PHF24: variants seen among roughly 807,000 people sequenced by gnomAD.
PHF24 encodes Galpha inhibitory interacting protein.
In PHF24, 25 loss-of-function variants were observed where a neutral mutation model predicts 42.6. That is an observed-to-expected ratio of 0.59 (90% CI 0.43 to 0.82). The LOEUF is 0.82. PHF24 is among the 40% of genes least tolerant of loss of function. The pLI is 0.00. For synonymous variants in PHF24, 185 were observed against 204.8 expected (o/e 0.90, Z 0.83); for missense variants, 470 against 538.1 (o/e 0.87, Z 1.25).
At chr9:34,848,547 A>C in the PHF24 span, among the ~76,000 whole-genome samples, 1 of 152,038 alleles carries the variant, frequency 6.6e-6, no homozygotes, top group Non-Finnish European at 1.5e-5. Context: ...CGTTCAAAAA[A>C]CCACCTCCTG....
chr9:34,681,814 AAAG>A, the PHF24 span, among the ~76,000 whole-genome samples: 59 of 152,264 alleles, frequency 3.9e-4, no homozygotes, highest in Non-Finnish European at 6.6e-4. Flanking sequence ...CCATCTCAAA[AAAG>A]AAGAAGAAGA....
At chr9:34,832,544 G>A in the PHF24 span, 2 of 1,532,180 alleles carry the variant, frequency 1.3e-6, no homozygotes, top group East Asian at 2.5e-5. Flanking sequence ...CTGGAGCCAG[G>A]CTCTTTGCAA....
intron 1 of PHF24, among the ~76,000 whole-genome samples, chr9:34,960,332 A>G (rs577631525): frequency 1.3e-5 from 2 of 152,328 alleles, no homozygotes; most frequent in South Asian, 4.1e-4. Context: ...GTGAGGAGAG[A>G]GACCAAGCTA....
At chr9:34,778,351 G>A in the PHF24 span, among the ~76,000 whole-genome samples, 61 of 152,292 alleles carry the variant, frequency 4.0e-4, no homozygotes, top group Middle Eastern at 3.4e-3. Flanking sequence ...TTACAAAAAT[G>A]AGATCCTGCC....
chr9:34,677,824 T>C, the PHF24 span, among the ~76,000 whole-genome samples: 1 of 152,212 alleles, frequency 6.6e-6, no homozygotes, highest in Non-Finnish European at 1.5e-5. Context: ...CTCTGTGTCC[T>C]ACCTCTTCTT....
chr9:34,751,956 G>C, the PHF24 span, among the ~76,000 whole-genome samples: 1 of 151,582 alleles, frequency 6.6e-6, no homozygotes, highest in Non-Finnish European at 1.5e-5. Context: ...ATGACCAGTG[G>C]GTCAATGAAA....
At chr9:34,942,108 G>C in the PHF24 span, among the ~76,000 whole-genome samples, 15 of 152,232 alleles carry the variant, frequency 9.9e-5, no homozygotes, top group Non-Finnish European at 1.9e-4. Flanking sequence ...CCTTCATACT[G>C]CATCTTTTCC....
the PHF24 span, chr9:34,835,538 T>G: frequency 6.4e-7 from 1 of 1,551,794 alleles, no homozygotes. Context: ...GACCTGGAAA[T>G]TCAAGTGATG....
the PHF24 span, among the ~76,000 whole-genome samples, chr9:34,914,411 C>T: frequency 6.6e-6 from 1 of 152,228 alleles, no homozygotes; most frequent in South Asian, 2.1e-4. Flanking sequence ...TGCATTATTA[C>T]TTCTTTTTTT....
the PHF24 span, among the ~76,000 whole-genome samples, chr9:34,898,664 T>C: frequency 6.6e-6 from 1 of 152,224 alleles, no homozygotes; most frequent in African/African-American, 2.4e-5. Flanking sequence ...GTCATCAACA[T>C]ACCTGCAAAG....
At chr9:34,843,173 T>C in the PHF24 span, among the ~76,000 whole-genome samples, 1 of 152,230 alleles carries the variant, frequency 6.6e-6, no homozygotes. Context: ...TCCAAAAGAA[T>C]GAGACTAATT....
At chr9:34,934,166 G>A in the PHF24 span, among the ~76,000 whole-genome samples, 1 of 152,148 alleles carries the variant, frequency 6.6e-6, no homozygotes, top group South Asian at 2.1e-4. Flanking sequence ...TAAGAGAGTT[G>A]CAGTGAGGAT....
At chr9:34,922,057 T>C in the PHF24 span, 384 of 851,298 alleles carry the variant, frequency 4.5e-4, 1 homozygote, top group Admixed American at 8.8e-4. Context: ...GTGGGAAATA[T>C]AGAAATTCAA....
the PHF24 span, chr9:34,726,892 T>C: frequency 3.9e-6 from 6 of 1,551,750 alleles, no homozygotes; most frequent in South Asian, 1.2e-5. Context: ...CCACCAGCAA[T>C]TGCTGAATCT....
chr9:34,838,008 A>C, the PHF24 span, among the ~76,000 whole-genome samples: 53 of 152,178 alleles, frequency 3.5e-4, no homozygotes, highest in Admixed American at 3.5e-3. Context: ...CTAATACCTA[A>C]AGACTTCAGT....
chr9:34,875,942 ACACACACACTCT>A, the PHF24 span, among the ~76,000 whole-genome samples: 2 of 86,778 alleles, frequency 2.3e-5, no homozygotes, highest in African/African-American at 1.0e-4. Context: ...ACACACACAC[ACACACACACTCT>A]CTCTCTCTCT....
At chr9:34,909,218 C>T in the PHF24 span, among the ~76,000 whole-genome samples, 1 of 152,160 alleles carries the variant, frequency 6.6e-6, no homozygotes, top group African/African-American at 2.4e-5. Context: ...CAGGCTCAAG[C>T]TTCCTAAACA....
At chr9:34,772,340 A>T in the PHF24 span, among the ~76,000 whole-genome samples, 1 of 152,194 alleles carries the variant, frequency 6.6e-6, no homozygotes, top group Non-Finnish European at 1.5e-5. Context: ...TAAGGAAATA[A>T]TTGTGTGTAT....
chr9:34,754,080 A>G, the PHF24 span, among the ~76,000 whole-genome samples: 1 of 152,164 alleles, frequency 6.6e-6, no homozygotes, highest in African/African-American at 2.4e-5. Context: ...GAAACTCTCC[A>G]GGACATTGGA....
Sources: allele counts gnomAD v4.1 joint callset (sites outside exome capture counted in the v4.1 genomes callset), GRCh38; gene constraint gnomAD v4.1.1; transcripts MANE v1.5; gene names NCBI Gene and HGNC (gene_info 2026-07-23, HGNC 2026-07-21).